The following ZBTB16 variants were observed in gnomAD, a reference collection of about 807,000 sequenced individuals.
ZBTB16 encodes the protein zinc finger and BTB domain-containing protein 16.
Under a neutral mutation model 56.8 loss-of-function variants are expected in ZBTB16, and 8 were observed. The ratio of observed to expected loss-of-function variants is 0.14; its 90% CI spans 0.08 to 0.25. The LOEUF (loss-of-function observed/expected upper bound fraction) is 0.25, where lower values mean the gene tolerates loss of function less well. Ranked by LOEUF, ZBTB16 falls within the 10% of genes least tolerant of loss-of-function variation. ZBTB16 has a pLI of 1.00. For missense variants in ZBTB16, 625 were observed against 903.0 expected, an observed-to-expected ratio of 0.69 and a Z score of 3.95; for synonymous variants, 363 against 368.5, an observed-to-expected ratio of 0.98 and a Z score of 0.17.
rs143701620 is a variant in ZBTB16 at position 114,171,164 on chromosome 11, T to C, written c.1366+14730T>C. Among the ~76,000 whole-genome samples, 460 of 152,340 alleles carry C rather than the reference T, an allele frequency of 3.0e-3. 5 individuals are homozygous for C. The highest frequency in any genetic ancestry group is 0.011 in the African/African-American group (441 of 41,576). Reference sequence around the variant, plus strand: ...GTGCACTGTCTTCATTACTTATTTATGCACCAAGAGCAGGGTCTGATTATA... The same window carrying C: ...GTGCACTGTCTTCATTACTTATTTACGCACCAAGAGCAGGGTCTGATTATA... On this transcript the variant is annotated intron_variant, in intron 3 of 6. Coordinates refer to ENST00000335953, the MANE Select transcript of ZBTB16 (RefSeq NM_006006.6).
intron 4 of ZBTB16, chr11:114,187,292 G>A: frequency 1.7e-6 from 1 of 577,052 alleles, no homozygotes; most frequent in Non-Finnish European, 3.1e-6. Flanking sequence ...TCTCTAACCA[G>A]CCACTGAGAG....
chr11:114,172,560 C>A (rs1942998107), intron 3 of ZBTB16, among the ~76,000 whole-genome samples: 1 of 152,174 alleles, frequency 6.6e-6, no homozygotes, highest in Non-Finnish European at 1.5e-5. Flanking sequence ...CTGGTCTTAA[C>A]CTCTGCGGCA....
intron 4 of ZBTB16, among the ~76,000 whole-genome samples, chr11:114,227,561 G>A (rs1255311325): frequency 6.6e-6 from 1 of 152,222 alleles, no homozygotes. Context: ...TGAGGTCGCA[G>A]CTCTCATGCA....
At chr11:114,135,721 G>A (rs1416185109) in intron 2 of ZBTB16, among the ~76,000 whole-genome samples, 1 of 152,176 alleles carries the variant, frequency 6.6e-6, no homozygotes, top group African/African-American at 2.4e-5. Context: ...TCAGTTTATC[G>A]TAATTTGTTA....
chr11:114,097,365 G>T (rs1271417246), intron 2 of ZBTB16, among the ~76,000 whole-genome samples: 4 of 152,118 alleles, frequency 2.6e-5, no homozygotes, highest in African/African-American at 9.7e-5. Context: ...AGATGAAAAA[G>T]TTCTGTGGCT....
chr11:114,063,801 G>A lies in ZBTB16; in HGVS notation c.501G>A (p.Gly167=), dbSNP rs559399019. 8.7e-6 allele frequency: 14 copies of A among 1,614,186 alleles called. No homozygotes were observed. In the East Asian group the frequency reaches 2.7e-4, roughly 31 times the overall value. ...FISKHSSEES[G]YASVAGQSLP... ...CGAAGCATTCCAGCGAGGAGAGTGGGTATGCCAGTGTGGCTGGACAGAGCC... is the reference window on the plus strand; with the variant it reads ...CGAAGCATTCCAGCGAGGAGAGTGGATATGCCAGTGTGGCTGGACAGAGCC... The change falls in exon 2 of 7, where the codon GGG becomes GGA. Residue 167 remains glycine, a synonymous_variant. Coordinates refer to ENST00000335953, the MANE Select transcript of ZBTB16 (RefSeq NM_006006.6). This position sits in a 1 kb window ranked among gnomAD's most constrained non-coding sequence, Gnocchi z 6.5.
At chr11:114,116,496 C>G (rs1941180077) in intron 2 of ZBTB16, among the ~76,000 whole-genome samples, 1 of 152,214 alleles carries the variant, frequency 6.6e-6, no homozygotes, top group Non-Finnish European at 1.5e-5. Context: ...CTCAGGGCCT[C>G]CTAAGTAGGT....
chr11:114,063,633 C>T lies in ZBTB16; in HGVS notation c.333C>T (p.Ile111=), dbSNP rs200027612. The change falls in exon 2 of 7, where the codon ATC becomes ATT. Residue 111 remains isoleucine (I), a synonymous_variant. Transcript: ENST00000335953. This position sits in a 1 kb window ranked among gnomAD's most constrained non-coding sequence, Gnocchi z 6.5. ...TGTATGCGGCCGAGATCCTGGAGAT[C>T]GAGTACCTGGAGGAACAGTGCCTGA... is the stretch of plus-strand genomic sequence containing the variant. The part of the protein sequence containing the change: ...DLLYAAEILE[I]EYLEEQCLKM... 112 of 1,614,122 alleles carry T rather than the reference C, an allele frequency of 6.9e-5. No homozygotes were observed. The highest frequency in any genetic ancestry group is 2.2e-4 in the Admixed American group (13 of 60,016).
intron 2 of ZBTB16, among the ~76,000 whole-genome samples, chr11:114,092,010 G>A (rs1940211055): frequency 2.6e-5 from 4 of 152,228 alleles, no homozygotes; most frequent in Admixed American, 2.6e-4. Flanking sequence ...TCGGTGCCCA[G>A]TGGGCGTGGG....
At chr11:114,226,158 A>AT in intron 4 of ZBTB16, among the ~76,000 whole-genome samples, 1 of 152,306 alleles carries the variant, frequency 6.6e-6, no homozygotes, top group South Asian at 2.1e-4. Context: ...GGACTCAAGA[A>AT]ATTTGAGGTG....
intron 2 of ZBTB16, among the ~76,000 whole-genome samples, chr11:114,072,558 G>T (rs987429741): frequency 4.6e-5 from 7 of 152,156 alleles, no homozygotes; most frequent in Non-Finnish European, 1.0e-4. Flanking sequence ...TCCCTTTCCT[G>T]CCTGTCAGTG....
At chr11:114,136,290 G>A (rs760821794) in intron 2 of ZBTB16, among the ~76,000 whole-genome samples, 1 of 152,184 alleles carries the variant, frequency 6.6e-6, no homozygotes, top group Non-Finnish European at 1.5e-5. Context: ...AGCCCCCACT[G>A]TTTGGGGGCT....
At chr11:114,120,359 G>A (rs144811514) in intron 2 of ZBTB16, among the ~76,000 whole-genome samples, 9 of 152,232 alleles carry the variant, frequency 5.9e-5, no homozygotes, top group African/African-American at 9.6e-5. Context: ...GTTAAAGACC[G>A]CCTTAGCGAG....
At chr11:114,112,745 C>A (rs114639989) in intron 2 of ZBTB16, among the ~76,000 whole-genome samples, 5 of 145,720 alleles carry the variant, frequency 3.4e-5, no homozygotes, top group Non-Finnish European at 4.5e-5. Flanking sequence ...TTTCTATTTT[C>A]ACACAGTTCA....
rs1555144000 is a variant in ZBTB16 at position 114,148,469 on chromosome 11, C to CTCTTTCTTTCTT, written c.1269-7851_1269-7840dup. Among the ~76,000 whole-genome samples the CTCTTTCTTTCTT allele has an allele frequency of 5.7e-3, 345 of 60,964 alleles. 26 individuals are homozygous for CTCTTTCTTTCTT. The highest frequency in any genetic ancestry group is 0.018 in the African/African-American group (336 of 18,404). 40.0% of individuals were successfully genotyped at this position (60,964 alleles called of 152,430 possible). On this transcript the variant is annotated intron_variant, in intron 2 of 6. Coordinates refer to ENST00000335953, the MANE Select transcript of ZBTB16 (RefSeq NM_006006.6). ...TCTCTGTCTGTCTGTCTCTCTCTCT[C>CTCTTTCTTTCTT]TCTTTCTTTCTTTCTTTCTTTCTTT...
intron 4 of ZBTB16, among the ~76,000 whole-genome samples, chr11:114,229,356 A>G (rs1944392160): frequency 6.6e-6 from 1 of 152,168 alleles, no homozygotes; most frequent in South Asian, 2.1e-4. Context: ...TGGGATAGAG[A>G]ACAGCTAGCA....
At chr11:114,130,518 G>A (rs1941632424) in intron 2 of ZBTB16, among the ~76,000 whole-genome samples, 1 of 152,234 alleles carries the variant, frequency 6.6e-6, no homozygotes, top group Non-Finnish European at 1.5e-5. Context: ...GGGCATGTGT[G>A]CTTGCGAGCA....
intron 2 of ZBTB16, among the ~76,000 whole-genome samples, chr11:114,153,458 G>A (rs1477848531): frequency 2.0e-5 from 3 of 152,214 alleles, no homozygotes; most frequent in African/African-American, 7.2e-5. Flanking sequence ...GGATTAGACA[G>A]GATAGGACAT....
intron 3 of ZBTB16, among the ~76,000 whole-genome samples, chr11:114,160,127 C>A (rs1169117971): frequency 2.6e-5 from 4 of 152,194 alleles, no homozygotes; most frequent in Non-Finnish European, 4.4e-5. Flanking sequence ...TGCCCCACCC[C>A]CTCTTGGCGA....
Sources: gnomAD v4.1 joint callset for allele counts (sites outside exome capture counted in the v4.1 genomes callset) on GRCh38, gnomAD v4.1.1 for gene constraint, Gnocchi (gnomAD v3.1) non-coding constraint, MANE v1.5 for transcripts, NCBI Gene and HGNC (gene_info 2026-07-23, HGNC 2026-07-21) for gene names.